PVALEF: variants seen among roughly 807,000 people sequenced by gnomAD.
PVALEF encodes the protein parvalbumin like EF-hand containing, also known as parvalbumin-like EF-hand-containing protein.
In PVALEF, 2 loss-of-function variants were observed where a neutral mutation model predicts 1.2. The ratio of observed to expected loss-of-function variants is 1.68; its 90% confidence interval spans 0.69 to 5.28. The LOEUF (loss-of-function observed/expected upper bound fraction) is 5.28, where lower values mean the gene tolerates loss of function less well. Among genes scored for constraint, PVALEF ranks in the 30% most tolerant of loss-of-function variants. PVALEF has a pLI of 0.06. For synonymous variants in PVALEF, 16 were observed against 6.5 expected (o/e 2.47, Z -2.24); for missense variants, 35 against 17.7 (o/e 1.97, Z -1.75).
Position 81,165,669 on chromosome 17 carries a change from G to A in PVALEF, c.-586G>A, listed in dbSNP as rs747297362. On this transcript the variant is annotated 5_prime_UTR_variant, in exon 1 of 7. The change creates a new upstream start codon in the 5' untranslated region. Coordinates refer to ENST00000637878, the MANE Select transcript of PVALEF (RefSeq NM_001354639.2). ...CACCAGGGGCCCACGCAGGCCCTCC[G>A]TGCCCCAGTTACCTGTGCCCTGGAG... 3.3e-6 allele frequency: 5 copies of A among 1,505,072 alleles called. No individual in the cohort carries two copies. Among genetic ancestry groups the A allele is most frequent in the East Asian group, 5.2e-5 (2 of 38,796 alleles). 93.2% of individuals were successfully genotyped at this position (1,505,072 alleles called of 1,614,324 possible). A position where few individuals can be genotyped will look rare whatever the true frequency, so the allele number is the denominator to read the frequency against.
intron 3 of PVALEF, among the ~76,000 whole-genome samples, chr17:81,179,850 G>T (rs956515036): frequency 7.9e-5 from 12 of 152,196 alleles, no homozygotes; most frequent in African/African-American, 2.9e-4. Flanking sequence ...GCCCAGCCTG[G>T]AGGCTCCAGG....
chr17:81,172,627 G>A (rs1468215698), intron 2 of PVALEF, among the ~76,000 whole-genome samples: 2 of 152,108 alleles, frequency 1.3e-5, no homozygotes, highest in Non-Finnish European at 2.9e-5. Flanking sequence ...CGGCGTGGTG[G>A]TGGGCACCTG....
At chr17:81,181,527 G>T (rs551886119) in intron 4 of PVALEF, 32 bp from the exon 5 acceptor site, 3 of 473,282 alleles carry the variant, frequency 6.3e-6, no homozygotes, top group African/African-American at 6.0e-5. Flanking sequence ...AGTGAGGTGG[G>T]CCCCTCCGTG....
intron 2 of PVALEF, among the ~76,000 whole-genome samples, chr17:81,167,702 C>A (rs1193559654): frequency 6.6e-6 from 1 of 152,226 alleles, no homozygotes; most frequent in Admixed American, 6.5e-5. Flanking sequence ...AGACAAGACA[C>A]CAACTGCACC....
intron 2 of PVALEF, among the ~76,000 whole-genome samples, chr17:81,174,730 A>T (rs1264234452): frequency 2.6e-5 from 4 of 152,166 alleles, no homozygotes; most frequent in African/African-American, 9.7e-5. Context: ...CGGGTGGATC[A>T]CAAGGTCAGG....
chr17:81,172,223 C>T (rs546980620), intron 2 of PVALEF, among the ~76,000 whole-genome samples: 1 of 152,218 alleles, frequency 6.6e-6, no homozygotes, highest in African/African-American at 2.4e-5. Flanking sequence ...TGGAGACAGA[C>T]TGCAATGTTA....
At chr17:81,171,612 C>A (rs1391055149) in intron 2 of PVALEF, among the ~76,000 whole-genome samples, 1 of 152,162 alleles carries the variant, frequency 6.6e-6, no homozygotes, top group Non-Finnish European at 1.5e-5. Context: ...CTGCCTCAGC[C>A]TCCCAAGTAG....
intron 2 of PVALEF, among the ~76,000 whole-genome samples, chr17:81,169,752 ATGTG>A (rs1008746012): frequency 2.0e-5 from 3 of 146,662 alleles, no homozygotes; most frequent in South Asian, 2.2e-4. Flanking sequence ...GTACGTGTCT[ATGTG>A]TGTGTATGCA....
At position 81,171,266 on chromosome 17, in the gene PVALEF, G is replaced by A. The variant is rs112790577; in HGVS notation, c.-340+4422G>A. Among the ~76,000 whole-genome samples, 1,348 of 152,288 alleles carry A rather than the reference G, an allele frequency of 8.9e-3. 21 individuals carry two copies. Among genetic ancestry groups the A allele is most frequent in the African/African-American group, 0.031 (1,287 of 41,564 alleles). On this transcript the variant is annotated intron_variant, in intron 2 of 6. Coordinates refer to ENST00000637878, the MANE Select transcript of PVALEF (RefSeq NM_001354639.2). ...ATGAAGCCGAAAGGGCCGCCCAGGG[G>A]ACAGGCCATCTGTCAGCTCAGGGCA...
chr17:81,165,976 A>G (rs751952563), intron 1 of PVALEF: 1 of 1,585,204 alleles, frequency 6.3e-7, no homozygotes. Flanking sequence ...GCTGGGGTTG[A>G]AGAAGGACGA....
At chr17:81,180,590 A>G (rs2061550460) in intron 3 of PVALEF, among the ~76,000 whole-genome samples, 2 of 152,126 alleles carry the variant, frequency 1.3e-5, no homozygotes, top group Non-Finnish European at 2.9e-5. Flanking sequence ...CAACCCTGTG[A>G]AGGGGCAGGC....
chr17:81,176,818 T>C (rs906860287), intron 2 of PVALEF, among the ~76,000 whole-genome samples: 4 of 151,922 alleles, frequency 2.6e-5, no homozygotes, highest in Admixed American at 6.6e-5. Flanking sequence ...CCCATCTTCA[T>C]AGCAGCATTA....
intron 2 of PVALEF, among the ~76,000 whole-genome samples, chr17:81,171,925 G>A (rs565753944): frequency 1.3e-5 from 2 of 152,264 alleles, no homozygotes; most frequent in Non-Finnish European, 2.9e-5. Flanking sequence ...ATCCCCAGAG[G>A]AAACCCCAGG....
intron 6 of PVALEF, 135 bp downstream of exon 6, chr17:81,182,216 C>T (rs998621165): frequency 2.8e-5 from 11 of 396,112 alleles, no homozygotes; most frequent in East Asian, 1.1e-4. Context: ...GGGTCTGGGC[C>T]GGGAGTCTAG....
At chr17:81,178,618 G>A (rs924721481) in intron 2 of PVALEF, among the ~76,000 whole-genome samples, 1 of 151,914 alleles carries the variant, frequency 6.6e-6, no homozygotes, top group Non-Finnish European at 1.5e-5. Context: ...GCACCCACTC[G>A]GCTGCCCCTT....
At chr17:81,173,114 C>T (rs1256526688) in intron 2 of PVALEF, among the ~76,000 whole-genome samples, 2 of 152,182 alleles carry the variant, frequency 1.3e-5, no homozygotes, top group African/African-American at 2.4e-5. Context: ...CTGGTGACAG[C>T]CCTACAAAGG....
intron 2 of PVALEF, among the ~76,000 whole-genome samples, chr17:81,177,527 T>C (rs564845426): frequency 2.6e-5 from 4 of 151,232 alleles, no homozygotes; most frequent in South Asian, 2.1e-4. Flanking sequence ...GCCTGGGTGA[T>C]AGGGTGATAG....
At chr17:81,179,178 T>G in intron 3 of PVALEF, 26 bp downstream of exon 3, 1 of 319,592 alleles carries the variant, frequency 3.1e-6, no homozygotes, top group Non-Finnish European at 6.4e-6. Context: ...GAGGGGGGTG[T>G]GGGTCTCTGG....
intron 2 of PVALEF, among the ~76,000 whole-genome samples, chr17:81,178,088 C>T (rs1319660734): frequency 6.6e-6 from 1 of 152,174 alleles, no homozygotes; most frequent in Non-Finnish European, 1.5e-5. Flanking sequence ...GAGGATAATG[C>T]AGCCTCCCTC....
Sources: allele counts gnomAD v4.1 joint callset (sites outside exome capture counted in the v4.1 genomes callset), GRCh38; gene constraint gnomAD v4.1.1; transcripts MANE v1.5; gene names NCBI Gene and HGNC (gene_info 2026-07-23, HGNC 2026-07-21).